SNAP47: variants seen among roughly 807,000 people sequenced by gnomAD.
The protein encoded by SNAP47 is synaptosome associated protein 47.
In SNAP47, 20 loss-of-function variants were observed where a neutral mutation model predicts 31.4. That is an observed-to-expected ratio of 0.64 (90% CI 0.45 to 0.93). The LOEUF is 0.93. Among genes scored for constraint, SNAP47 ranks in the 40% least tolerant of loss-of-function variants. The probability of loss-of-function intolerance (pLI) is 0.00; values close to 1 mark genes in which losing one functional copy is unlikely to be tolerated. For missense variants in SNAP47, 492 were observed against 528.5 expected (o/e 0.93, Z 0.68); for synonymous variants, 194 against 213.4 (o/e 0.91, Z 0.79).
At chr1:227,746,699 T>C (rs1661985011) in intron 1 of SNAP47, 1 of 152,220 alleles carries the variant, frequency 6.6e-6, no homozygotes, top group Non-Finnish European at 1.5e-5. Context: ...CCCACACTTT[T>C]TGATGTCTGG....
chr1:227,770,727 G>A (rs77381560), intron 4 of SNAP47: 1 of 154,526 alleles, frequency 6.5e-6, no homozygotes, highest in Admixed American at 6.5e-5. Context: ...CCTAATGAAT[G>A]TAAGATAATC....
chr1:227,742,923 G>A (rs115233706), intron 1 of SNAP47, among the ~76,000 whole-genome samples: 92 of 152,328 alleles, frequency 6.0e-4, no homozygotes, highest in African/African-American at 2.1e-3. Context: ...GTGGCAGAAC[G>A]GCATCATGGG....
Position 227,743,244 on chromosome 1 carries a change from G to A in SNAP47, c.-45-4448G>A, listed in dbSNP as rs80129315. Among the ~76,000 whole-genome samples, 1,175 of 152,264 alleles carry A rather than the reference G, an allele frequency of 7.7e-3. 15 individuals are homozygous for A. Among genetic ancestry groups the A allele is most frequent in the African/African-American group, 0.026 (1,099 of 41,528 alleles). ...GGAAGGGCGGCTCTGGCCCACCCAC[G>A]GATCTGCTTGGCCTTGGTGTGTGCT... On this transcript the variant is annotated intron_variant, in intron 1 of 4. Transcript: ENST00000617596.
intron 4 of SNAP47, 99 bp downstream of exon 4, chr1:227,767,182 C>A: frequency 6.6e-7 from 1 of 1,523,616 alleles, no homozygotes; most frequent in Non-Finnish European, 8.9e-7. Flanking sequence ...TCTGGGTCAT[C>A]CATCCGTATT....
At chr1:227,750,552 C>T (rs1364463798) in intron 2 of SNAP47, among the ~76,000 whole-genome samples, 3 of 152,224 alleles carry the variant, frequency 2.0e-5, no homozygotes, top group Non-Finnish European at 4.4e-5. Flanking sequence ...TGGCCCTCTG[C>T]CCTCCCGCCT....
intron 1 of SNAP47, 139 bp downstream of exon 1, chr1:227,735,638 T>G: frequency 7.6e-7 from 1 of 1,318,942 alleles, no homozygotes; most frequent in Non-Finnish European, 9.6e-7. Context: ...GTATGCGGGC[T>G]GCGCTGGGAG....
At chr1:227,775,639 C>G in intron 4 of SNAP47, 1 of 732,570 alleles carries the variant, frequency 1.4e-6, no homozygotes, top group Non-Finnish European at 1.9e-6. Context: ...AGCACTCAGC[C>G]TTGCCCTAAT....
intron 1 of SNAP47, among the ~76,000 whole-genome samples, chr1:227,738,396 A>G (rs2048993947): frequency 6.6e-6 from 1 of 151,994 alleles, no homozygotes; most frequent in African/African-American, 2.4e-5. Context: ...ATTCCTTCAC[A>G]CATACATTCA....
At chr1:227,734,449 G>A (rs1178040331), upstream of SNAP47, 2 of 465,196 alleles carry the variant, frequency 4.3e-6, no homozygotes, top group East Asian at 6.8e-5. Flanking sequence ...CAAAAAAAAA[G>A]GAAAAAAAAC....
chr1:227,757,415 A>C (rs1253504341), intron 2 of SNAP47, among the ~76,000 whole-genome samples: 1 of 152,230 alleles, frequency 6.6e-6, no homozygotes, highest in Non-Finnish European at 1.5e-5. Context: ...CTTAGAGATA[A>C]GTCAGGGCAA....
intron 3 of SNAP47, among the ~76,000 whole-genome samples, chr1:227,761,283 T>C (rs1663044890): frequency 1.3e-5 from 2 of 152,188 alleles, no homozygotes; most frequent in Admixed American, 1.3e-4. Flanking sequence ...GCTTCAAGTT[T>C]CGGAAAGAAA....
chr1:227,775,976 C>T lies in SNAP47; in HGVS notation c.1114-4551C>T, dbSNP rs989339543. On this transcript the variant is annotated intron_variant, in intron 4 of 4. Coordinates refer to ENST00000617596, the MANE Select transcript of SNAP47 (RefSeq NM_053052.4). ...CACAGCGCCCAGGGCATCCTCCTCA[C>T]GGATGTGTTGGAGGAAAGTGGCTTT... The T allele has an allele frequency of 2.2e-5, 28 of 1,266,756 alleles. No homozygotes were observed. In the Admixed American group the frequency reaches 4.7e-4, roughly 21 times the overall value. 78.5% of individuals were successfully genotyped at this position (1,266,756 alleles called of 1,614,324 possible). A position where few individuals can be genotyped will look rare whatever the true frequency, so the allele number is the denominator to read the frequency against.
At position 227,747,707 on chromosome 1, in the gene SNAP47, G is replaced by A. The variant is rs566588891; in HGVS notation, c.-30G>A. ...TCTCCTTCAGAGGCAGAAGAGGCCT[G>A]GACCTTGGCGCACACAGACCCAGGA... On this transcript the variant is annotated 5_prime_UTR_variant, in exon 2 of 5. Transcript: ENST00000617596. The A allele has an allele frequency of 3.7e-6, 6 of 1,602,410 alleles. No homozygotes were observed. In the African/African-American group the frequency reaches 8.0e-5, roughly 21 times the overall value.
chr1:227,764,688 G>A (rs1044228396), intron 3 of SNAP47, among the ~76,000 whole-genome samples: 1 of 152,096 alleles, frequency 6.6e-6, no homozygotes, highest in Non-Finnish European at 1.5e-5. Context: ...GGCGAATCAC[G>A]AGGTCAGGAG....
At chr1:227,732,166 CA>C, upstream of SNAP47, 1 of 599,322 alleles carries the variant, frequency 1.7e-6, no homozygotes, top group East Asian at 2.8e-5. Context: ...TCCGAGCTCC[CA>C]GCAGGCCTGC....
At chr1:227,749,478 T>G (rs572389491) in intron 2 of SNAP47, among the ~76,000 whole-genome samples, 35 of 152,290 alleles carry the variant, frequency 2.3e-4, no homozygotes, top group South Asian at 1.0e-3. Context: ...GTGTTGCTGG[T>G]TCTTCCTACC....
chr1:227,780,441 C>G (rs1664397678), intron 4 of SNAP47, 86 bp from the exon 5 acceptor site: 2 of 1,574,184 alleles, frequency 1.3e-6, no homozygotes, highest in Non-Finnish European at 1.7e-6. Flanking sequence ...CGCAAAGGCT[C>G]TTGGGTGTGT....
intron 2 of SNAP47, among the ~76,000 whole-genome samples, chr1:227,750,749 G>A (rs1572008556): frequency 1.3e-5 from 2 of 152,216 alleles, no homozygotes; most frequent in East Asian, 3.9e-4. Context: ...GGCTGTGGGT[G>A]CACAATGTGG....
In SNAP47 at chr1:227,762,564, C is replaced by T. The variant is rs755646979; in HGVS notation, c.988+3079C>T. On this transcript the variant is annotated intron_variant, in intron 3 of 4. Coordinates refer to ENST00000617596, the MANE Select transcript of SNAP47 (RefSeq NM_053052.4). This position sits in a 1 kb window ranked among gnomAD's most constrained non-coding sequence, Gnocchi z 4.2. ...ACCATGACGGATGTCTCAGAAATCC[C>T]TGCCTCTGGGACGAGCGCTGGTGCA... Among the ~76,000 whole-genome samples the T allele has an allele frequency of 6.6e-5, 10 of 152,240 alleles. No homozygotes were observed. The highest frequency in any genetic ancestry group is 2.4e-4 in the African/African-American group (10 of 41,474).
Sources: allele counts gnomAD v4.1 joint callset (sites outside exome capture counted in the v4.1 genomes callset), GRCh38; gene constraint gnomAD v4.1.1; non-coding constraint Gnocchi (gnomAD v3.1); transcripts MANE v1.5; gene names NCBI Gene and HGNC (gene_info 2026-07-23, HGNC 2026-07-21).